TINAG: variants seen among roughly 807,000 people sequenced by gnomAD.
TINAG encodes tubulointerstitial nephritis antigen.
In TINAG, 83 loss-of-function variants were observed where a neutral mutation model predicts 72.7. That is an observed-to-expected ratio of 1.14 (90% confidence interval 0.96 to 1.37). The LOEUF is 1.37. TINAG is among the 40% of genes most tolerant of loss of function. TINAG has a pLI of 0.00. For missense variants in TINAG, 685 were observed against 576.6 expected, an observed-to-expected ratio of 1.19 and a Z score of -1.93; for synonymous variants, 234 against 189.9, an observed-to-expected ratio of 1.23 and a Z score of -1.91.
intron 1 of TINAG, among the ~76,000 whole-genome samples, chr6:54,316,066 T>C (rs1042466919): frequency 1.3e-5 from 2 of 152,190 alleles, no homozygotes; most frequent in Admixed American, 6.6e-5. Context: ...CCTGTCCTTT[T>C]ACGTGTTCCC....
At chr6:54,356,909 C>G (rs1763059664) in intron 9 of TINAG, among the ~76,000 whole-genome samples, 1 of 65,330 alleles carries the variant, frequency 1.5e-5, no homozygotes, top group East Asian at 2.9e-4. Context: ...GTGTTGTTAT[C>G]CCTCAGATTA....
At position 54,344,881 on chromosome 6, in the gene TINAG, T is replaced by A. The variant is rs1027778179; in HGVS notation, c.748+1532T>A. Among the ~76,000 whole-genome samples the A allele has an allele frequency of 2.6e-5, 4 of 151,948 alleles. No individual in the cohort carries two copies. The East Asian group carries it at 7.7e-4, about 29-fold the overall frequency. ...TTTTTGTGTTAAATAAAGAAAAAAATAAACTAAATTATCATAAAGATCTAA... is the reference window on the plus strand; with the variant it reads ...TTTTTGTGTTAAATAAAGAAAAAAAAAAACTAAATTATCATAAAGATCTAA... On this transcript the variant is annotated intron_variant, in intron 5 of 10. Coordinates refer to ENST00000259782, the MANE Select transcript of TINAG (RefSeq NM_014464.4).
At chr6:54,321,258 A>T in intron 2 of TINAG, 39 bp from the exon 3 acceptor site, 1 of 1,520,790 alleles carries the variant, frequency 6.6e-7, no homozygotes, top group Non-Finnish European at 9.1e-7. Context: ...TATACTTCAT[A>T]AAGACCAAGC....
At chr6:54,352,022 C>T (rs1785277051) in intron 8 of TINAG, among the ~76,000 whole-genome samples, 1 of 151,610 alleles carries the variant, frequency 6.6e-6, no homozygotes, top group Non-Finnish European at 1.5e-5. Flanking sequence ...ATTCTGCTTA[C>T]CTGTTGAATT....
intron 1 of TINAG, among the ~76,000 whole-genome samples, chr6:54,317,516 T>A (rs916121477): frequency 7.2e-5 from 11 of 152,122 alleles, no homozygotes; most frequent in Non-Finnish European, 1.5e-4. Flanking sequence ...AAAATGTCTC[T>A]TTGCTCTTCC....
At chr6:54,369,694 A>T (rs1486206904) in intron 9 of TINAG, among the ~76,000 whole-genome samples, 2 of 151,976 alleles carry the variant, frequency 1.3e-5, no homozygotes, top group South Asian at 4.1e-4. Flanking sequence ...TACTATTTTA[A>T]ATATCATCAT....
At chr6:54,308,393 G>A (rs1784158914), upstream of TINAG, 1 of 657,874 alleles carries the variant, frequency 1.5e-6, no homozygotes, top group Non-Finnish European at 2.6e-6. Context: ...CTTGATTAAT[G>A]TTTAACTATG....
chr6:54,380,566 T>G lies in TINAG; in HGVS notation c.1291T>G (p.Phe431Val), dbSNP rs1295321601. 2.5e-6 allele frequency: 4 copies of G among 1,610,040 alleles called. No individual in the cohort carries two copies. In the African/African-American group the frequency reaches 5.4e-5, roughly 22 times the overall value. ...AGGAGCACAAGGGCAGAAAGAAAAA[T>G]TTTGGGTATGTAACTCTTTCCAGTT... ...LRGAQGQKEK[F>V]WIAANSWGKS... Residue 431 changes from phenylalanine (F) to valine (V), a missense_variant, in exon 10 of 11, where the codon TTT becomes GTT. Physicochemically the swap from Phe to Val is conservative, Grantham distance 50 (BLOSUM62 -1). Coordinates refer to ENST00000259782, the MANE Select transcript of TINAG (RefSeq NM_014464.4).
Position 54,372,842 on chromosome 6 carries a change from T to G in TINAG, c.1251-7684T>G, listed in dbSNP as rs573281543. ...CAAGAGTTTTGTTAAAAGGCATATG[T>G]TGCTATGGCAATTTGCAATGTCTTC... On this transcript the variant is annotated intron_variant, in intron 9 of 10. Transcript: ENST00000259782. Among the ~76,000 whole-genome samples the G allele has an allele frequency of 4.6e-5, 7 of 151,466 alleles. No homozygotes were observed. In the East Asian group the frequency reaches 1.4e-3, roughly 29 times the overall value.
At position 54,390,133 on chromosome 6, in the gene TINAG, C is replaced by A; in HGVS notation, c.*208C>A. The stretch of plus-strand genomic sequence containing the variant: ...AACACCAATAAAGGACAGCAGAGTC[C>A]CTAAATGTCTTTAAAGTTCCCAGGT... On this transcript the variant is annotated 3_prime_UTR_variant, in exon 11 of 11. Coordinates refer to ENST00000259782, the MANE Select transcript of TINAG (RefSeq NM_014464.4). 1 of 598,326 alleles carries A rather than the reference C, an allele frequency of 1.7e-6. No individual in the cohort carries two copies. Among genetic ancestry groups the A allele is most frequent in the Non-Finnish European group, 2.6e-6 (1 of 379,718 alleles). The allele number at this position is 598,326 out of a possible 1,614,324, so 37.1% of individuals were successfully genotyped here. A position where few individuals can be genotyped will look rare whatever the true frequency, so the allele number is the denominator to read the frequency against.
chr6:54,327,652 T>G (rs1289208060), intron 4 of TINAG, among the ~76,000 whole-genome samples: 3 of 151,908 alleles, frequency 2.0e-5, no homozygotes, highest in African/African-American at 7.3e-5. Flanking sequence ...AGCCAAGTGG[T>G]CTGGCTCAGC....
chr6:54,321,771 T>G (rs1784496498), intron 3 of TINAG, among the ~76,000 whole-genome samples: 1 of 152,116 alleles, frequency 6.6e-6, no homozygotes, highest in East Asian at 1.9e-4. Context: ...CTATCATGGG[T>G]AGAATCTGAC....
intron 9 of TINAG, among the ~76,000 whole-genome samples, chr6:54,369,662 A>C (rs893532042): frequency 2.0e-5 from 3 of 151,958 alleles, no homozygotes; most frequent in Non-Finnish European, 4.4e-5. Flanking sequence ...GAAGCACTAT[A>C]CACAGAGTTA....
At chr6:54,322,390 G>C (rs780586518) in intron 3 of TINAG, among the ~76,000 whole-genome samples, 3 of 151,410 alleles carry the variant, frequency 2.0e-5, no homozygotes, top group African/African-American at 7.3e-5. Flanking sequence ...TTTTATTATA[G>C]AACTAAAAGG....
chr6:54,323,176 G>T (rs1784530544), intron 3 of TINAG, among the ~76,000 whole-genome samples: 1 of 152,148 alleles, frequency 6.6e-6, no homozygotes, highest in Admixed American at 6.5e-5. Flanking sequence ...TTGCATTTTA[G>T]TAGCAAATAT....
chr6:54,343,358 G>A lies in TINAG; in HGVS notation c.748+9G>A. ...GGCATTTTCCACTGCAAGTAATAAA[G>A]TCATTTTAATTCCTTCCTTATAAAC... On this transcript the variant is annotated intron_variant, in intron 5 of 10. Transcript: ENST00000259782. 6.6e-7 allele frequency: 1 copy of A among 1,515,514 alleles called. No homozygotes were observed. Among genetic ancestry groups the A allele is most frequent in the Non-Finnish European group, 8.9e-7 (1 of 1,128,510 alleles). 93.9% of individuals were successfully genotyped at this position (1,515,514 alleles called of 1,614,324 possible).
chr6:54,388,498 T>C (rs953178033), intron 10 of TINAG, among the ~76,000 whole-genome samples: 1 of 152,176 alleles, frequency 6.6e-6, no homozygotes, highest in Non-Finnish European at 1.5e-5. Flanking sequence ...CTCTCTTACA[T>C]TGTAGAAAAC....
intron 9 of TINAG, among the ~76,000 whole-genome samples, chr6:54,379,139 T>A (rs115598108): frequency 1.1e-3 from 172 of 152,300 alleles, no homozygotes; most frequent in Non-Finnish European, 1.7e-3. Flanking sequence ...GTTTGAATAT[T>A]AGGTTTAGGT....
intron 9 of TINAG, among the ~76,000 whole-genome samples, chr6:54,359,626 A>G (rs1763161545): frequency 2.0e-5 from 3 of 151,828 alleles, no homozygotes; most frequent in Admixed American, 2.0e-4. Flanking sequence ...TCACTTTTAT[A>G]AACTCCTAGA....
Sources: gnomAD v4.1 joint callset for allele counts (sites outside exome capture counted in the v4.1 genomes callset) on GRCh38, gnomAD v4.1.1 for gene constraint, MANE v1.5 for transcripts, NCBI Gene and HGNC (gene_info 2026-07-23, HGNC 2026-07-21) for gene names.